Variants in APBB2 observed in about 807,000 individuals in gnomAD.
APBB2 encodes amyloid beta precursor protein binding family B member 2, also known as Fe65-like 1.
APBB2 carries 38 observed loss-of-function variants against 82.5 expected under a neutral mutation model. That is an observed-to-expected ratio of 0.46 (90% CI 0.36 to 0.60). APBB2 has a LOEUF of 0.60. Among genes scored for constraint, APBB2 ranks in the 20% least tolerant of loss-of-function variants. The probability of loss-of-function intolerance (pLI) is 0.00; values close to 1 mark genes in which losing one functional copy is unlikely to be tolerated. For synonymous variants in APBB2, 341 were observed against 368.2 expected, an observed-to-expected ratio of 0.93 and a Z score of 0.85; for missense variants, 772 against 972.3, an observed-to-expected ratio of 0.79 and a Z score of 2.74.
intron 6 of APBB2, among the ~76,000 whole-genome samples, chr4:40,961,968 G>A (rs1793423144): frequency 6.6e-6 from 1 of 152,146 alleles, no homozygotes; most frequent in Non-Finnish European, 1.5e-5. Flanking sequence ...CTGACTCAAG[G>A]TTTTCAATTT....
At chr4:41,055,524 C>T (rs1020660251) in intron 4 of APBB2, among the ~76,000 whole-genome samples, 1 of 152,218 alleles carries the variant, frequency 6.6e-6, no homozygotes, top group Non-Finnish European at 1.5e-5. Context: ...CCCACTCTTT[C>T]GTGTGGCCAC....
At chr4:40,967,343 A>C (rs534966089) in intron 6 of APBB2, among the ~76,000 whole-genome samples, 1 of 152,302 alleles carries the variant, frequency 6.6e-6, no homozygotes, top group East Asian at 1.9e-4. Context: ...ACAGGGTTGA[A>C]ACACGCCCCT....
chr4:41,072,519 G>A (rs867102410), intron 3 of APBB2, among the ~76,000 whole-genome samples: 5 of 152,148 alleles, frequency 3.3e-5, no homozygotes, highest in African/African-American at 9.7e-5. Flanking sequence ...GTAAGAGAAC[G>A]AAACTTAAAA....
chr4:41,152,866 T>G (rs1422231364), intron 1 of APBB2, among the ~76,000 whole-genome samples: 1 of 152,230 alleles, frequency 6.6e-6, no homozygotes. Context: ...CAGGCTCTTA[T>G]ACCTTGCCAC....
At chr4:41,165,110 T>C (rs1197670996) in intron 1 of APBB2, among the ~76,000 whole-genome samples, 1 of 152,242 alleles carries the variant, frequency 6.6e-6, no homozygotes, top group African/African-American at 2.4e-5. Flanking sequence ...TTATATTTTA[T>C]TTGACCATTT....
At chr4:40,884,070 T>C (rs1411621343) in intron 12 of APBB2, among the ~76,000 whole-genome samples, 1 of 152,208 alleles carries the variant, frequency 6.6e-6, no homozygotes, top group Non-Finnish European at 1.5e-5. Context: ...ATTTAGGACG[T>C]ATCTGACCCA....
Position 40,947,353 on chromosome 4 carries a change from A to C in APBB2, c.836-2280T>G, listed in dbSNP as rs141618150. ...GTGGTTTATGAGGACTGGAGGCCTGAATTTACACATTTAGCCTAGTTGTCT... is the reference window on the plus strand; with the variant it reads ...GTGGTTTATGAGGACTGGAGGCCTGCATTTACACATTTAGCCTAGTTGTCT... On this transcript the variant is annotated intron_variant, in intron 6 of 17. Coordinates refer to ENST00000508593, the MANE Select transcript of APBB2 (RefSeq NM_004307.2). 4.5e-3 allele frequency among the ~76,000 whole-genome samples: 680 copies of C among 152,340 alleles called. 2 individuals carry two copies. Among genetic ancestry groups the C allele is most frequent in the Non-Finnish European group, 6.3e-3 (426 of 68,020 alleles).
At position 41,013,594 on chromosome 4, in the gene APBB2, G is replaced by C. The variant is rs200010437; in HGVS notation, c.824C>G (p.Pro275Arg). ...TTCCCCAGGGGTACCTGTTTCATCC[G>C]GGGAGCTGGGTGAGGCACTGTCTTG... is the stretch of plus-strand genomic sequence containing the variant. ...LSQDSASPSS[P>R]DETADIWSDH... The change falls in exon 6 of 18, where the codon CCG (proline) becomes CGG (arginine). Residue 275 changes from proline to arginine, a missense_variant. Pro to Arg is a moderately radical substitution (Grantham distance 103). Coordinates refer to ENST00000508593, the MANE Select transcript of APBB2 (RefSeq NM_004307.2). The C allele has an allele frequency of 2.5e-6, 4 of 1,613,544 alleles. No individual in the cohort carries two copies. The highest frequency in any genetic ancestry group is 3.4e-6 in the Non-Finnish European group (4 of 1,179,560).
rs548929062 is a variant in APBB2, at chr4:40,912,855, T to C, written c.1255-19444A>G. Among the ~76,000 whole-genome samples the C allele has an allele frequency of 2.0e-4, 30 of 152,320 alleles. No homozygotes were observed. In the South Asian group the frequency reaches 3.7e-3, roughly 19 times the overall value. ...AGAATCCCGCTTCTATTCCTGCTGA[T>C]ACGCAGCAGATGTCTGCGCTACTGG... On this transcript the variant is annotated intron_variant, in intron 10 of 17. Coordinates refer to ENST00000508593, the MANE Select transcript of APBB2 (RefSeq NM_004307.2).
chr4:41,185,187 G>A (rs1385877590), intron 1 of APBB2, among the ~76,000 whole-genome samples: 1 of 152,142 alleles, frequency 6.6e-6, no homozygotes, highest in Non-Finnish European at 1.5e-5. Context: ...ATAGATGACT[G>A]GCCCCTGGAT....
intron 6 of APBB2, among the ~76,000 whole-genome samples, chr4:41,011,423 C>T (rs776012678): frequency 1.3e-5 from 2 of 151,550 alleles, no homozygotes; most frequent in East Asian, 1.9e-4. Flanking sequence ...TGGTGATCCA[C>T]TGCGCCTGGC....
At chr4:40,851,734 ATATATTTTTT>A (rs771704157) in intron 12 of APBB2, among the ~76,000 whole-genome samples, 2,965 of 60,978 alleles carry the variant, frequency 0.049, 56 homozygotes, top group Middle Eastern at 0.069. Flanking sequence ...ATATATATAT[ATATATTTTTT>A]TTTTTTTTTT....
intron 6 of APBB2, among the ~76,000 whole-genome samples, chr4:40,956,746 A>G (rs1405950978): frequency 6.6e-6 from 1 of 152,226 alleles, no homozygotes; most frequent in Non-Finnish European, 1.5e-5. Context: ...TTTGTAGCTG[A>G]GGATTTTTCT....
In APBB2 at chr4:40,852,781, C is replaced by G. The variant is rs540626930; in HGVS notation, c.1530-22204G>C. On this transcript the variant is annotated intron_variant, in intron 12 of 17. Transcript: ENST00000508593. The stretch of plus-strand genomic sequence containing the variant: ...TCAGCCTCCCTAGTAGCTGGAATTA[C>G]AGGCATGTGCCACCATGCCCAGGTA... 3.9e-5 allele frequency among the ~76,000 whole-genome samples: 6 copies of G among 152,200 alleles called. No individual in the cohort carries two copies. In the East Asian group the frequency reaches 1.2e-3, roughly 29 times the overall value.
intron 3 of APBB2, among the ~76,000 whole-genome samples, chr4:41,078,048 T>C (rs1736244977): frequency 6.6e-6 from 1 of 152,142 alleles, no homozygotes; most frequent in African/African-American, 2.4e-5. Context: ...AAAATAACAG[T>C]ATCCTGCATA....
intron 3 of APBB2, among the ~76,000 whole-genome samples, chr4:41,079,863 A>G (rs1321877399): frequency 6.6e-6 from 1 of 151,998 alleles, no homozygotes; most frequent in Non-Finnish European, 1.5e-5. Flanking sequence ...CCTATTCTTT[A>G]TATTAGTTTC....
intron 2 of APBB2, among the ~76,000 whole-genome samples, chr4:41,116,407 T>C (rs1346615451): frequency 6.6e-6 from 1 of 152,064 alleles, no homozygotes; most frequent in African/African-American, 2.4e-5. Flanking sequence ...GGCAAGTGTA[T>C]ACCTATGTGG....
chr4:41,022,570 C>G (rs1432158750), intron 5 of APBB2, among the ~76,000 whole-genome samples: 1 of 152,202 alleles, frequency 6.6e-6, no homozygotes, highest in Non-Finnish European at 1.5e-5. Context: ...GTCTACTTCT[C>G]ACAATTCTCA....
chr4:40,908,466 C>T (rs1053034940), intron 10 of APBB2, among the ~76,000 whole-genome samples: 1 of 152,124 alleles, frequency 6.6e-6, no homozygotes, highest in Non-Finnish European at 1.5e-5. Context: ...GGCAACAATG[C>T]TGGCTTTCCT....
Sources: gnomAD v4.1 joint callset for allele counts (sites outside exome capture counted in the v4.1 genomes callset) on GRCh38, gnomAD v4.1.1 for gene constraint, MANE v1.5 for transcripts, NCBI Gene and HGNC (gene_info 2026-07-23, HGNC 2026-07-21) for gene names.